Variants in GSR observed in about 807,000 individuals in gnomAD.
GSR encodes the protein glutathione-disulfide reductase, also known as glutathione reductase, mitochondrial.
In GSR, 48 loss-of-function variants were observed where a neutral mutation model predicts 56.5. The ratio of observed to expected loss-of-function variants is 0.85; its 90% CI spans 0.67 to 1.08. GSR has a LOEUF of 1.08. Ranked by LOEUF, GSR falls within the 50% of genes least tolerant of loss-of-function variation. The pLI is 0.00. For missense variants in GSR, 694 were observed against 703.3 expected (o/e 0.99, Z 0.15); for synonymous variants, 264 against 270.8 (o/e 0.97, Z 0.25).
At position 30,708,158 on chromosome 8, in the gene GSR, G is replaced by A; in HGVS notation, c.423-17C>T. 1.3e-6 allele frequency: 2 copies of A among 1,589,430 alleles called. No homozygotes were observed. Among genetic ancestry groups the A allele is most frequent in the Non-Finnish European group, 1.7e-6 (2 of 1,157,688 alleles). On this transcript the variant is annotated splice_polypyrimidine_tract_variant and intron_variant, in intron 3 of 12. Transcript: ENST00000221130. Reference sequence around the variant, plus strand: ...TTAATAACACTGCAATGAAACCCAAGTCAGTATTCAGAAACAGGATCTTCC... The same window carrying A: ...TTAATAACACTGCAATGAAACCCAAATCAGTATTCAGAAACAGGATCTTCC...
chr8:30,710,731 A>G (rs868007392), intron 2 of GSR, among the ~76,000 whole-genome samples: 44 of 103,374 alleles, frequency 4.3e-4, no homozygotes, highest in Middle Eastern at 4.6e-3. Context: ...AAAAAAAAAA[A>G]AAAAAAAAAA....
At position 30,705,485 on chromosome 8, in the gene GSR, A is replaced by G. The variant is rs536214760; in HGVS notation, c.493-2245T>C. On this transcript the variant is annotated intron_variant, in intron 4 of 12. Coordinates refer to ENST00000221130, the MANE Select transcript of GSR (RefSeq NM_000637.5). ...CACCGTGTTAGCCAGGATGGTCTCA[A>G]TCTCCTGACCTCATGATCCACTCGC... Among the ~76,000 whole-genome samples the G allele has an allele frequency of 5.3e-5, 8 of 152,260 alleles. No homozygotes were observed. In the East Asian group the frequency reaches 1.5e-3, roughly 29 times the overall value.
intron 9 of GSR, among the ~76,000 whole-genome samples, chr8:30,688,578 C>A (rs1227017814): frequency 1.8e-3 from 144 of 81,466 alleles, no homozygotes; most frequent in South Asian, 4.2e-3. Context: ...GACCCTGTCT[C>A]AAAAAAAAAA....
chr8:30,690,158 A>ATATTTATTTATT (rs372406720), intron 8 of GSR, among the ~76,000 whole-genome samples: 1 of 138,754 alleles, frequency 7.2e-6, no homozygotes, highest in South Asian at 2.2e-4. Flanking sequence ...ATAAAATAAT[A>ATATTTATTTATT]TATTTATTTA....
intron 4 of GSR, among the ~76,000 whole-genome samples, chr8:30,706,798 T>A (rs1803935097): frequency 1.3e-5 from 2 of 152,234 alleles, no homozygotes; most frequent in Non-Finnish European, 2.9e-5. Flanking sequence ...ACCTTCTGAA[T>A]CCTAATTTGG....
At chr8:30,683,513 T>G (rs1409779360) in intron 10 of GSR, among the ~76,000 whole-genome samples, 1 of 152,104 alleles carries the variant, frequency 6.6e-6, no homozygotes, top group Non-Finnish European at 1.5e-5. Context: ...AATGACAATC[T>G]AGGCCATGTG....
chr8:30,701,269 T>C (rs903438733), intron 5 of GSR, among the ~76,000 whole-genome samples: 21 of 151,800 alleles, frequency 1.4e-4, no homozygotes, highest in African/African-American at 3.9e-4. Flanking sequence ...TGTTCGAGAC[T>C]AGCCTGGCCA....
intron 5 of GSR, among the ~76,000 whole-genome samples, chr8:30,700,434 G>C (rs1258199931): frequency 6.6e-6 from 1 of 152,036 alleles, no homozygotes; most frequent in Non-Finnish European, 1.5e-5. Context: ...CCCACCCCAA[G>C]GGCAGGTAGG....
rs1491447123 is a variant in GSR, at chr8:30,709,905, GTA to G, written c.334-5_334-4del. On this transcript the variant is annotated splice_region_variant and splice_polypyrimidine_tract_variant and intron_variant, in intron 2 of 12. Transcript: ENST00000221130. Reference sequence around the variant, plus strand: ...TGGACAGCTGTGTTCCACATTACCTGTAAAAAAAAAAAAAAAAAAGGATCCAA... The same window carrying G: ...TGGACAGCTGTGTTCCACATTACCTGAAAAAAAAAAAAAAAAAGGATCCAA... 2.2e-6 allele frequency: 2 copies of G among 909,844 alleles called. No homozygotes were observed. The highest frequency in any genetic ancestry group is 1.5e-5 in the South Asian group (1 of 65,636). The allele number at this position is 909,844 out of a possible 1,614,324, so 56.4% of individuals were successfully genotyped here.
chr8:30,690,171 T>TATTC (rs1563529941), intron 8 of GSR, among the ~76,000 whole-genome samples: 1 of 146,692 alleles, frequency 6.8e-6, no homozygotes, highest in African/African-American at 2.5e-5. Flanking sequence ...TTTATTTATT[T>TATTC]ATTTATTTAT....
rs1026937677 is a variant in GSR at position 30,697,658 on chromosome 8, G to C, written c.696-1179C>G. Among the ~76,000 whole-genome samples, 3 of 151,916 alleles carry C rather than the reference G, an allele frequency of 2.0e-5. No individual in the cohort carries two copies. In the South Asian group the frequency reaches 6.2e-4, roughly 32 times the overall value. On this transcript the variant is annotated intron_variant, in intron 6 of 12. Coordinates refer to ENST00000221130, the MANE Select transcript of GSR (RefSeq NM_000637.5). ...AGAAAAGAAAAATCCCTAATATCCC[G>C]TCACAGAAGGGAAATGTATTTTTCA...
chr8:30,722,635 G>C (rs564625762), intron 1 of GSR, among the ~76,000 whole-genome samples: 1 of 151,714 alleles, frequency 6.6e-6, no homozygotes, highest in African/African-American at 2.4e-5. Context: ...GGGAGGCTGA[G>C]GTGGGAGGGT....
At chr8:30,723,406 C>T (rs766448657) in intron 1 of GSR, among the ~76,000 whole-genome samples, 3 of 152,056 alleles carry the variant, frequency 2.0e-5, no homozygotes, top group African/African-American at 4.8e-5. Context: ...GTGGGAGGAT[C>T]GCTTGAGCCC....
rs1803281399 is a variant in GSR, at chr8:30,689,320, C to T, written c.883-1G>A. 6.2e-7 allele frequency: 1 copy of T among 1,613,454 alleles called. No homozygotes were observed. The highest frequency in any genetic ancestry group is 1.3e-5 in the African/African-American group (1 of 74,912). On this transcript the variant is annotated splice_acceptor_variant, in intron 8 of 12. Coordinates refer to ENST00000221130, the MANE Select transcript of GSR (RefSeq NM_000637.5). LOFTEE classifies it high-confidence loss of function. ...ACAAAGTCTTTTTAACCTCCTTGACCTATTGGCAAATAAAATGTGTTACAC... is the reference window on the plus strand; with the variant it reads ...ACAAAGTCTTTTTAACCTCCTTGACTTATTGGCAAATAAAATGTGTTACAC...
chr8:30,688,861 T>G (rs903123169), intron 9 of GSR, among the ~76,000 whole-genome samples: 2 of 151,762 alleles, frequency 1.3e-5, no homozygotes, highest in African/African-American at 2.4e-5. Context: ...AGGTTAAGAC[T>G]GCGGTGAGCT....
chr8:30,696,731 T>C (rs1377982649), intron 6 of GSR, among the ~76,000 whole-genome samples: 1 of 152,210 alleles, frequency 6.6e-6, no homozygotes, highest in Non-Finnish European at 1.5e-5. Flanking sequence ...ACAGGGTCTC[T>C]GTCACCCAGG....
Position 30,679,247 on chromosome 8 carries a change from G to GA in GSR, c.*272dup, listed in dbSNP as rs961414345. On this transcript the variant is annotated 3_prime_UTR_variant, in exon 13 of 13. Transcript: ENST00000221130. Reference sequence around the variant, plus strand: ...TTATATTTGGGATGAGGCTAAAACAGAAAAAAAAAACTAGCACAGAGCTGT... The same window carrying GA: ...TTATATTTGGGATGAGGCTAAAACAGAAAAAAAAAAACTAGCACAGAGCTGT... 13,576 of 360,062 alleles carry GA rather than the reference G, an allele frequency of 0.038. 2 individuals carry two copies. The highest frequency in any genetic ancestry group is 0.063 in the East Asian group (1,166 of 18,412). The allele number at this position is 360,062 out of a possible 1,614,324, so 22.3% of individuals were successfully genotyped here. A position where few individuals can be genotyped will look rare whatever the true frequency, so the allele number is the denominator to read the frequency against.
intron 4 of GSR, 109 bp from the exon 5 acceptor site, chr8:30,703,349 G>T: frequency 9.6e-7 from 1 of 1,046,560 alleles, no homozygotes. Flanking sequence ...TTCTTGGTTT[G>T]CTGATGCCAA....
Position 30,679,078 on chromosome 8 carries a change from G to A in GSR, c.*442C>T, listed in dbSNP as rs1338299405. Reference sequence around the variant, plus strand: ...GCAGGAGAATCACTTGAACCCAGGAGGCAGAGGTTGTGGTGAGCTGAAATA... The same window carrying A: ...GCAGGAGAATCACTTGAACCCAGGAAGCAGAGGTTGTGGTGAGCTGAAATA... On this transcript the variant is annotated 3_prime_UTR_variant, in exon 13 of 13. Coordinates refer to ENST00000221130, the MANE Select transcript of GSR (RefSeq NM_000637.5). 1.2e-5 allele frequency: 2 copies of A among 166,662 alleles called. No homozygotes were observed. The highest frequency in any genetic ancestry group is 2.6e-5 in the Non-Finnish European group (2 of 77,836). 10.3% of individuals were successfully genotyped at this position (166,662 alleles called of 1,614,324 possible). A position where few individuals can be genotyped will look rare whatever the true frequency, so the allele number is the denominator to read the frequency against.
Sources: gnomAD v4.1 joint callset for allele counts (sites outside exome capture counted in the v4.1 genomes callset) on GRCh38, gnomAD v4.1.1 for gene constraint, MANE v1.5 for transcripts, NCBI Gene and HGNC (gene_info 2026-07-23, HGNC 2026-07-21) for gene names.